Variants in TPM3 observed in about 807,000 individuals in gnomAD.
TPM3 encodes the protein tropomyosin 3.
In TPM3, 16 loss-of-function variants were observed where a neutral mutation model predicts 43.1. The ratio of observed to expected loss-of-function variants is 0.37; its 90% confidence interval spans 0.25 to 0.56. The LOEUF (loss-of-function observed/expected upper bound fraction) is 0.56. Among genes scored for constraint, TPM3 ranks in the 20% least tolerant of loss-of-function variants. The probability of loss-of-function intolerance (pLI) is 0.77; values close to 1 mark genes in which losing one functional copy is unlikely to be tolerated. For missense variants in TPM3, 176 were observed against 337.2 expected (o/e 0.52, Z 3.74); for synonymous variants, 101 against 116.9 (o/e 0.86, Z 0.88).
At chr1:154,170,849 G>GCTCTTA in intron 6 of TPM3, 138 bp from the exon 7 acceptor site, 1 of 704,138 alleles carries the variant, frequency 1.4e-6, no homozygotes, top group Non-Finnish European at 2.5e-6. Context: ...GCAAGGCCTG[G>GCTCTTA]CTCTGGACAA....
intron 2 of TPM3, among the ~76,000 whole-genome samples, chr1:154,176,612 T>C (rs922114526): frequency 6.9e-6 from 1 of 145,884 alleles, no homozygotes; most frequent in Non-Finnish European, 1.5e-5. Flanking sequence ...CTTGGAGGCA[T>C]GTCTCATCCT....
At chr1:154,177,592 G>A (rs1481479753) in intron 2 of TPM3, among the ~76,000 whole-genome samples, 1 of 152,032 alleles carries the variant, frequency 6.6e-6, no homozygotes, top group Non-Finnish European at 1.5e-5. Context: ...AATATGCCCC[G>A]CACACCACCC....
intron 5 of TPM3, chr1:154,172,480 A>G: frequency 2.0e-6 from 1 of 503,930 alleles, no homozygotes; most frequent in Non-Finnish European, 4.0e-6. Context: ...CTGGCCTCCA[A>G]CTCCTGGGTT....
chr1:154,162,043 G>A lies in TPM3; in HGVS notation c.*5894C>T, dbSNP rs1022089718. 1.3e-5 allele frequency among the ~76,000 whole-genome samples: 2 copies of A among 152,048 alleles called. No homozygotes were observed. Among genetic ancestry groups the A allele is most frequent in the East Asian group, 1.9e-4 (1 of 5,192 alleles). ...AAAAGGCAAGGCAGAGAACCTATTT[G>A]GTCTAGCGTTCTTTTCAGCTATATC... is the stretch of plus-strand genomic sequence containing the variant. On this transcript the variant is annotated 3_prime_UTR_variant, in exon 10 of 10. Coordinates refer to ENST00000651641, the MANE Select transcript of TPM3 (RefSeq NM_152263.4).
At chr1:154,189,275 G>A (rs1011630165) in intron 2 of TPM3, among the ~76,000 whole-genome samples, 10 of 150,400 alleles carry the variant, frequency 6.6e-5, no homozygotes, top group Non-Finnish European at 1.3e-4. Context: ...TTGAGGTTAG[G>A]AGTTCGAGAC....
chr1:154,181,741 G>A (rs779975168), intron 2 of TPM3, among the ~76,000 whole-genome samples: 1 of 152,124 alleles, frequency 6.6e-6, no homozygotes, highest in African/African-American at 2.4e-5. Flanking sequence ...CCAACATGGC[G>A]AAACCCCGTC....
downstream of TPM3, chr1:154,157,756 AG>A (rs1411702772): frequency 2.0e-5 from 16 of 780,676 alleles, no homozygotes; most frequent in Non-Finnish European, 4.8e-6. Context: ...TACAAGAACT[AG>A]AAGTAAATTT....
chr1:154,191,733 T>G lies in TPM3; in HGVS notation c.117+169A>C. On this transcript the variant is annotated intron_variant, in intron 1 of 9. Transcript: ENST00000651641. The stretch of plus-strand genomic sequence containing the variant: ...GACTTTCCCAAGGTCACAAAGGCAG[T>G]CTGAGACAGATATGTTAGATATCCT... 1.9e-6 allele frequency: 3 copies of G among 1,568,384 alleles called. No individual in the cohort carries two copies. The South Asian group carries it at 3.5e-5, about 18-fold the overall frequency.
chr1:154,170,475 G>A lies in TPM3; in HGVS notation c.706-6C>T, dbSNP rs1661447571. 6.2e-7 allele frequency: 1 copy of A among 1,614,064 alleles called. No individual in the cohort carries two copies. Among genetic ancestry groups the A allele is most frequent in the Non-Finnish European group, 8.5e-7 (1 of 1,180,010 alleles). ...AACTCAGCACGGGTCTCTGCCTGGG[G>A]GAAATATGAAATTAGTCAGAACCAG... is the stretch of plus-strand genomic sequence containing the variant. On this transcript the variant is annotated splice_polypyrimidine_tract_variant and splice_region_variant and intron_variant, in intron 7 of 9. Transcript: ENST00000651641.
intron 2 of TPM3, chr1:154,178,052 G>T: frequency 1.3e-6 from 1 of 770,232 alleles, no homozygotes; most frequent in Non-Finnish European, 1.6e-6. Flanking sequence ...CAAGGCCATG[G>T]ATCAAGAGCA....
Position 154,176,257 on chromosome 1 carries a change from G to A in TPM3, c.244-9C>T, listed in dbSNP as rs754838956. 1.9e-6 allele frequency: 3 copies of A among 1,614,054 alleles called. No homozygotes were observed. The highest frequency in any genetic ancestry group is 2.5e-6 in the Non-Finnish European group (3 of 1,179,978). The stretch of plus-strand genomic sequence containing the variant: ...GCCACCTCAGCCTCAGCCTGCATTT[G>A]AAGGAAAGAATGGACAAGGGAAGCA... On this transcript the variant is annotated splice_polypyrimidine_tract_variant and intron_variant, in intron 2 of 9. Transcript: ENST00000651641.
At chr1:154,183,630 A>T (rs1184589049) in intron 2 of TPM3, 1 of 182,624 alleles carries the variant, frequency 5.5e-6, no homozygotes, top group Non-Finnish European at 1.2e-5. Flanking sequence ...CTCCAAAACC[A>T]AGTTATAAGA....
rs1661528995 is a variant in TPM3 at position 154,171,126 on chromosome 1, G to T, written c.642+287C>A. 6.9e-6 allele frequency: 4 copies of T among 577,880 alleles called. No individual in the cohort carries two copies. The South Asian group carries it at 8.2e-5, about 12-fold the overall frequency. 35.8% of individuals were successfully genotyped at this position (577,880 alleles called of 1,614,324 possible). On this transcript the variant is annotated intron_variant, in intron 6 of 9. Coordinates refer to ENST00000651641, the MANE Select transcript of TPM3 (RefSeq NM_152263.4). ...CTGATTCTGTCTGTTGCCCCCATCT[G>T]TCTGCTAGAAAGCCTGTTAGGGCCC...
At chr1:154,170,815 G>A in intron 6 of TPM3, 104 bp from the exon 7 acceptor site, 5 of 830,540 alleles carry the variant, frequency 6.0e-6, no homozygotes, top group East Asian at 2.4e-5. Context: ...TGCACTAAAT[G>A]TGCTGAATGG....
chr1:154,171,337 G>A (rs915084971), intron 6 of TPM3, 76 bp downstream of exon 6: 8 of 1,472,886 alleles, frequency 5.4e-6, no homozygotes, highest in Admixed American at 3.4e-5. Flanking sequence ...TATGGAATGC[G>A]TGTCTCCAGT....
downstream of TPM3, chr1:154,159,047 C>T (rs1237617968): frequency 2.6e-6 from 2 of 780,504 alleles, no homozygotes; most frequent in Admixed American, 3.4e-5. Context: ...TGTAGAGACG[C>T]TCTGCAGCAG....
At chr1:154,174,407 T>TATATATGTATAC (rs1261318136) in intron 3 of TPM3, among the ~76,000 whole-genome samples, 2 of 72,678 alleles carry the variant, frequency 2.8e-5, no homozygotes, top group Non-Finnish European at 5.1e-5. Flanking sequence ...TATATATATA[T>TATATATGTATAC]ACACACAAAA....
chr1:154,183,217 A>G (rs763761777), intron 2 of TPM3: 5 of 1,565,518 alleles, frequency 3.2e-6, no homozygotes, highest in East Asian at 2.3e-5. Context: ...ACGCCCTGAA[A>G]TACCGGAACT....
At chr1:154,175,476 C>T (rs1224792045) in intron 3 of TPM3, among the ~76,000 whole-genome samples, 1 of 152,128 alleles carries the variant, frequency 6.6e-6, no homozygotes, top group Admixed American at 6.5e-5. Context: ...TCACCCCTAC[C>T]TATGATTCTA....
Sources: allele counts gnomAD v4.1 joint callset (sites outside exome capture counted in the v4.1 genomes callset), GRCh38; gene constraint gnomAD v4.1.1; transcripts MANE v1.5; gene names NCBI Gene and HGNC (gene_info 2026-07-23, HGNC 2026-07-21).